CNTNAP2: variants seen among roughly 807,000 people sequenced by gnomAD.
CNTNAP2 encodes contactin associated protein 2.
In CNTNAP2, 98 loss-of-function variants were observed where a neutral mutation model predicts 155.2. The observed-to-expected ratio is 0.63, with a 90% CI of 0.54 to 0.75. The LOEUF is 0.75. CNTNAP2 is among the 30% of genes least tolerant of loss of function. The pLI is 0.00. For missense variants in CNTNAP2, 1,727 were observed against 1,688.1 expected (o/e 1.02, Z -0.40); for synonymous variants, 651 against 631.2 (o/e 1.03, Z -0.47).
At chr7:147,661,885 A>G (rs1795617090) in intron 13 of CNTNAP2, among the ~76,000 whole-genome samples, 1 of 152,070 alleles carries the variant, frequency 6.6e-6, no homozygotes, top group Admixed American at 6.6e-5. Flanking sequence ...GCTATTCTAC[A>G]GCCTGCACCA....
intron 21 of CNTNAP2, among the ~76,000 whole-genome samples, chr7:148,281,835 CT>C (rs58086860): frequency 0.011 from 1,359 of 123,380 alleles, 14 homozygotes; most frequent in African/African-American, 0.037. Context: ...ACAACGTTTC[CT>C]TTTTTTTTTT....
chr7:147,675,207 C>T (rs1457848743), intron 13 of CNTNAP2, among the ~76,000 whole-genome samples: 1 of 152,004 alleles, frequency 6.6e-6, no homozygotes, highest in African/African-American at 2.4e-5. Flanking sequence ...CTTCACAAGG[C>T]CTTCCATTCA....
intron 13 of CNTNAP2, among the ~76,000 whole-genome samples, chr7:147,780,614 T>C (rs1046054878): frequency 1.3e-5 from 2 of 152,236 alleles, no homozygotes; most frequent in African/African-American, 2.4e-5. Flanking sequence ...GAAACTACTT[T>C]CATTGCTACT....
chr7:147,931,801 C>G (rs1222650565), intron 14 of CNTNAP2, among the ~76,000 whole-genome samples: 1 of 152,090 alleles, frequency 6.6e-6, no homozygotes, highest in African/African-American at 2.4e-5. Flanking sequence ...ATTAAAATGT[C>G]CATACTACCC....
At chr7:147,803,431 C>T (rs141258336) in intron 13 of CNTNAP2, among the ~76,000 whole-genome samples, 145 of 152,228 alleles carry the variant, frequency 9.5e-4, no homozygotes, top group African/African-American at 3.1e-3. Flanking sequence ...CTGGTGGCAC[C>T]GCAGGGAAAA....
intron 9 of CNTNAP2, among the ~76,000 whole-genome samples, chr7:147,375,723 C>T (rs1796422767): frequency 6.6e-6 from 1 of 152,072 alleles, no homozygotes; most frequent in Admixed American, 6.6e-5. Flanking sequence ...TCCATTTTCA[C>T]TTCTCATGGA....
chr7:147,267,217 G>GGTTA (rs1169385941), intron 8 of CNTNAP2, among the ~76,000 whole-genome samples: 4 of 152,130 alleles, frequency 2.6e-5, no homozygotes, highest in African/African-American at 9.7e-5. Context: ...TATTCCTTTA[G>GGTTA]GTTACATCCA....
chr7:146,259,624 A>G (rs1481114928), intron 1 of CNTNAP2, among the ~76,000 whole-genome samples: 1 of 152,162 alleles, frequency 6.6e-6, no homozygotes, highest in Non-Finnish European at 1.5e-5. Flanking sequence ...GATTTAGGGT[A>G]TCTGGTGGAA....
chr7:146,227,428 C>CAAAAAAAAAA (rs755623604), intron 1 of CNTNAP2, among the ~76,000 whole-genome samples: 1 of 58,720 alleles, frequency 1.7e-5, no homozygotes, highest in African/African-American at 5.9e-5. Flanking sequence ...CTGTCTCAAA[C>CAAAAAAAAAA]AAAAAAAAAA....
Position 148,137,677 on chromosome 7 carries a change from G to GAAGA in CNTNAP2, c.2555-9811_2555-9810insAAAG, listed in dbSNP as rs1804984368. Among the ~76,000 whole-genome samples, 6 of 72,212 alleles carry GAAGA rather than the reference G, an allele frequency of 8.3e-5. No homozygotes were observed. The South Asian group carries it at 2.7e-3, about 32-fold the overall frequency. The allele number at this position is 72,212 out of a possible 152,430, so 47.4% of individuals were successfully genotyped here. A position where few individuals can be genotyped will look rare whatever the true frequency, so the allele number is the denominator to read the frequency against. ...AGTCTATCTCAGAAAAAAAAGGAAG[G>GAAGA]AAGGAAGGAAGGAAGGAAGGAAGGA... On this transcript the variant is annotated intron_variant, in intron 16 of 23. Coordinates refer to ENST00000361727, the MANE Select transcript of CNTNAP2 (RefSeq NM_014141.6).
chr7:147,556,955 A>C (rs1220588571), intron 11 of CNTNAP2, among the ~76,000 whole-genome samples: 1 of 152,210 alleles, frequency 6.6e-6, no homozygotes, highest in Non-Finnish European at 1.5e-5. Flanking sequence ...AAAATGAATA[A>C]GACATTTAGT....
chr7:147,194,813 G>A (rs917494414), intron 8 of CNTNAP2, among the ~76,000 whole-genome samples: 1 of 152,088 alleles, frequency 6.6e-6, no homozygotes, highest in African/African-American at 2.4e-5. Context: ...GTAAATTCTG[G>A]ATATTAGAAC....
At chr7:147,802,450 G>A (rs1798016434) in intron 13 of CNTNAP2, among the ~76,000 whole-genome samples, 1 of 152,150 alleles carries the variant, frequency 6.6e-6, no homozygotes, top group Admixed American at 6.5e-5. Flanking sequence ...GTTGTAGCGA[G>A]CCGAGATCAG....
At chr7:146,898,173 C>A (rs1373739721) in intron 3 of CNTNAP2, among the ~76,000 whole-genome samples, 1 of 151,972 alleles carries the variant, frequency 6.6e-6, no homozygotes, top group African/African-American at 2.4e-5. Context: ...GTCAATTCTG[C>A]AATTATCTTC....
intron 21 of CNTNAP2, among the ~76,000 whole-genome samples, chr7:148,294,730 A>G (rs1302785488): frequency 6.6e-6 from 1 of 152,190 alleles, no homozygotes; most frequent in East Asian, 1.9e-4. Context: ...AGAACACTAG[A>G]AGACAAAAAA....
At chr7:146,297,725 C>G (rs1563026286) in intron 1 of CNTNAP2, among the ~76,000 whole-genome samples, 1 of 151,986 alleles carries the variant, frequency 6.6e-6, no homozygotes, top group South Asian at 2.1e-4. Flanking sequence ...TTAGGTTATT[C>G]CAATGTTTAT....
chr7:148,028,958 G>A (rs114051625), intron 15 of CNTNAP2, among the ~76,000 whole-genome samples: 65 of 152,186 alleles, frequency 4.3e-4, no homozygotes, highest in African/African-American at 1.1e-3. Context: ...AGAAAATTAC[G>A]TTTTTGTTTT....
At chr7:148,075,558 T>G (rs952377484) in intron 15 of CNTNAP2, among the ~76,000 whole-genome samples, 1 of 152,024 alleles carries the variant, frequency 6.6e-6, no homozygotes, top group Non-Finnish European at 1.5e-5. Flanking sequence ...AGTAAGAGAG[T>G]CCTGCAGGGC....
chr7:146,739,924 T>A (rs1015673161), intron 1 of CNTNAP2, among the ~76,000 whole-genome samples: 1 of 152,134 alleles, frequency 6.6e-6, no homozygotes, highest in Non-Finnish European at 1.5e-5. Context: ...AGTTTTTGAC[T>A]TGGAGTCCAT....
Sources: allele counts gnomAD v4.1 joint callset (sites outside exome capture counted in the v4.1 genomes callset), GRCh38; gene constraint gnomAD v4.1.1; transcripts MANE v1.5; gene names NCBI Gene and HGNC (gene_info 2026-07-23, HGNC 2026-07-21).